GRK5: variants seen among roughly 807,000 people sequenced by gnomAD.
GRK5 encodes G protein-coupled receptor kinase 5, also known as g protein-coupled receptor kinase GRK5.
A neutral mutation model predicts 78.4 loss-of-function variants in GRK5; 40 were observed. The ratio of observed to expected loss-of-function variants is 0.51; its 90% CI spans 0.40 to 0.66. The LOEUF is 0.66. Ranked by LOEUF, GRK5 falls within the 30% of genes least tolerant of loss-of-function variation. GRK5 has a pLI of 0.00. For missense variants in GRK5, 598 were observed against 759.9 expected (o/e 0.79, Z 2.50); for synonymous variants, 289 against 296.8 (o/e 0.97, Z 0.27).
At chr10:119,328,512 C>G (rs775554271) in intron 2 of GRK5, among the ~76,000 whole-genome samples, 4 of 152,184 alleles carry the variant, frequency 2.6e-5, no homozygotes, top group Non-Finnish European at 4.4e-5. Flanking sequence ...GTGAGCCAAG[C>G]CTTCTCTGTC....
At position 119,380,912 on chromosome 10, in the gene GRK5, G is replaced by A. The variant is rs147153472; in HGVS notation, c.246G>A (p.Gln82=). 4.3e-5 allele frequency: 69 copies of A among 1,607,512 alleles called. No homozygotes were observed. In the African/African-American group the frequency reaches 8.8e-4, roughly 21 times the overall value. Residue 82 remains glutamine (Q), a synonymous_variant, in exon 3 of 16, where the codon CAG becomes CAA. Transcript: ENST00000392870. ...ETRPGLECYI[Q]FLDSVAEYEV... ...GGCCTGGGCTGGAGTGTTACATTCA[G>A]TTCCTGGACTCCGTGGTAAGTTCCT...
chr10:119,262,298 G>A (rs1373861705), intron 1 of GRK5, among the ~76,000 whole-genome samples: 1 of 147,024 alleles, frequency 6.8e-6, no homozygotes, highest in Non-Finnish European at 1.5e-5. Flanking sequence ...TGTGCAGCCT[G>A]AAGATTATAT....
Position 119,442,001 on chromosome 10 carries a change from C to T in GRK5, c.970C>T (p.His324Tyr). The T allele has an allele frequency of 6.2e-7, 1 of 1,613,776 alleles. No individual in the cohort carries two copies. Among genetic ancestry groups the T allele is most frequent in the Non-Finnish European group, 8.5e-7 (1 of 1,179,730 alleles). ...ACTGACCCTGCTGTCCCCCTCAGGC[C>T]ACATTAGGATCTCAGACCTGGGCTT... ...PENILLDDYG[H>Y]IRISDLGLAV... is the part of the protein sequence containing the mutation. The change falls in exon 11 of 16, where the codon CAC becomes TAC. Residue 324 changes from histidine (H) to tyrosine (Y), a missense_variant and splice_region_variant. His to Tyr is a moderately conservative substitution (Grantham distance 83). Transcript: ENST00000392870.
At chr10:119,246,155 C>T (rs1003455868) in intron 1 of GRK5, among the ~76,000 whole-genome samples, 1 of 151,876 alleles carries the variant, frequency 6.6e-6, no homozygotes, top group African/African-American at 2.4e-5. Flanking sequence ...GTTCCAGGTC[C>T]CCCCTTATAT....
At position 119,455,143 on chromosome 10, in the gene GRK5, C is replaced by CACCAG; in HGVS notation, c.*76_*77insACCAG. ...CTTAGAAGTGGAAGTAGTGGAGCCC[C>CACCAG]TGCTCTGGTGGGGCTGCCAGGGGAG... On this transcript the variant is annotated 3_prime_UTR_variant, in exon 16 of 16. Coordinates refer to ENST00000392870, the MANE Select transcript of GRK5 (RefSeq NM_005308.3). 2 of 1,203,428 alleles carry CACCAG rather than the reference C, an allele frequency of 1.7e-6. No homozygotes were observed. The highest frequency in any genetic ancestry group is 2.5e-6 in the Non-Finnish European group (2 of 810,612). The allele number at this position is 1,203,428 out of a possible 1,614,324, so 74.5% of individuals were successfully genotyped here. A position where few individuals can be genotyped will look rare whatever the true frequency, so the allele number is the denominator to read the frequency against.
chr10:119,454,890 G>C (rs1051200779), intron 15 of GRK5, 79 bp from the exon 16 acceptor site: 1 of 916,626 alleles, frequency 1.1e-6, no homozygotes, highest in Non-Finnish European at 1.8e-6. Context: ...AGCAGGCAGA[G>C]GCAGCCCCGA....
intron 10 of GRK5, among the ~76,000 whole-genome samples, chr10:119,440,969 C>T (rs1327498722): frequency 6.6e-6 from 1 of 152,224 alleles, no homozygotes. Context: ...AGTCACCCAG[C>T]AGCATCAGTG....
intron 4 of GRK5, among the ~76,000 whole-genome samples, chr10:119,421,311 G>A (rs982507381): frequency 6.6e-6 from 1 of 152,202 alleles, no homozygotes; most frequent in African/African-American, 2.4e-5. Flanking sequence ...AGACTCAGCT[G>A]CCAGAATTTC....
intron 1 of GRK5, among the ~76,000 whole-genome samples, chr10:119,263,359 A>C (rs1252313262): frequency 6.6e-6 from 1 of 152,074 alleles, no homozygotes; most frequent in East Asian, 1.9e-4. Context: ...AGTGGAAAAA[A>C]AATTTTTTTT....
intron 1 of GRK5, among the ~76,000 whole-genome samples, chr10:119,296,994 C>A (rs1453253821): frequency 6.6e-6 from 1 of 152,238 alleles, no homozygotes; most frequent in African/African-American, 2.4e-5. Flanking sequence ...CTGAAGCTGG[C>A]AGCTCCCCTC....
chr10:119,344,008 G>A (rs1340456390), intron 2 of GRK5, among the ~76,000 whole-genome samples: 1 of 151,748 alleles, frequency 6.6e-6, no homozygotes, highest in African/African-American at 2.4e-5. Context: ...TAATGCCACA[G>A]GAGGCAGGAG....
chr10:119,285,874 A>C (rs566428649), intron 1 of GRK5, among the ~76,000 whole-genome samples: 1 of 152,264 alleles, frequency 6.6e-6, no homozygotes, highest in East Asian at 1.9e-4. Context: ...TCCTCACCTC[A>C]TGACTTCCTG....
intron 6 of GRK5, among the ~76,000 whole-genome samples, chr10:119,425,773 T>C (rs1374416690): frequency 6.6e-6 from 1 of 152,262 alleles, no homozygotes; most frequent in East Asian, 1.9e-4. Context: ...TCTTTTCTTG[T>C]GTGCTTGCTG....
chr10:119,223,544 G>C (rs1848690072), intron 1 of GRK5, among the ~76,000 whole-genome samples: 1 of 151,932 alleles, frequency 6.6e-6, no homozygotes, highest in African/African-American at 2.4e-5. Context: ...GATTATCTTG[G>C]ACATCCAGAC....
chr10:119,427,572 GCATCACCAC>G, intron 6 of GRK5, among the ~76,000 whole-genome samples: 1 of 151,276 alleles, frequency 6.6e-6, no homozygotes, highest in East Asian at 2.0e-4. Flanking sequence ...GCCATCATCA[GCATCACCAC>G]CATCATCAGC....
intron 6 of GRK5, among the ~76,000 whole-genome samples, chr10:119,429,866 G>A (rs945700500): frequency 2.0e-5 from 3 of 152,166 alleles, no homozygotes; most frequent in Non-Finnish European, 4.4e-5. Flanking sequence ...CCTCAGGAAG[G>A]AATAAGCCAT....
chr10:119,234,477 C>T (rs899342508), intron 1 of GRK5, among the ~76,000 whole-genome samples: 14 of 152,236 alleles, frequency 9.2e-5, no homozygotes, highest in Admixed American at 2.6e-4. Flanking sequence ...GGAATCTTGC[C>T]CAAGTTCCAC....
At chr10:119,402,217 G>C (rs1222342342) in intron 4 of GRK5, among the ~76,000 whole-genome samples, 1 of 152,160 alleles carries the variant, frequency 6.6e-6, no homozygotes, top group Non-Finnish European at 1.5e-5. Context: ...CCCATCCCTC[G>C]AGCCCCAGGT....
At chr10:119,335,504 C>T (rs1001342472) in intron 2 of GRK5, among the ~76,000 whole-genome samples, 28 of 152,194 alleles carry the variant, frequency 1.8e-4, no homozygotes, top group African/African-American at 6.5e-4. Flanking sequence ...GCTGGGACTA[C>T]AGGTACCTGC....
Sources: allele counts gnomAD v4.1 joint callset (sites outside exome capture counted in the v4.1 genomes callset), GRCh38; gene constraint gnomAD v4.1.1; transcripts MANE v1.5; gene names NCBI Gene and HGNC (gene_info 2026-07-23, HGNC 2026-07-21).